The following NEDD4 variants were observed in gnomAD, a reference collection of about 807,000 sequenced individuals.
NEDD4 encodes the protein E3 ubiquitin-protein ligase NEDD4.
NEDD4 carries 99 observed loss-of-function variants against 144.9 expected under a neutral mutation model. The ratio of observed to expected loss-of-function variants is 0.68; its 90% CI spans 0.58 to 0.81. The LOEUF (loss-of-function observed/expected upper bound fraction) is 0.81. Among genes scored for constraint, NEDD4 ranks in the 30% least tolerant of loss-of-function variants. The pLI, the probability that NEDD4 is intolerant of heterozygous loss-of-function variation, is 0.00. For synonymous variants in NEDD4, 318 were observed against 350.6 expected (o/e 0.91, Z 1.04); for missense variants, 985 against 1,065.9 (o/e 0.92, Z 1.06).
chr15:55,938,124 G>A (rs1466718860), intron 4 of NEDD4, among the ~76,000 whole-genome samples: 1 of 152,184 alleles, frequency 6.6e-6, no homozygotes, highest in Non-Finnish European at 1.5e-5. Context: ...ACTTTGGGAG[G>A]CTGAGGTGGG....
At chr15:55,830,020 T>G (rs2032869953) in intron 28 of NEDD4, 21 bp from the exon 29 acceptor site, 1 of 1,576,542 alleles carries the variant, frequency 6.3e-7, no homozygotes, top group African/African-American at 1.3e-5. Context: ...AGAGAGGAAG[T>G]GGTTATGAAA....
chr15:55,841,871 G>A lies in NEDD4; in HGVS notation c.1838+63C>T, dbSNP rs1300551674. 29 of 1,430,364 alleles carry A rather than the reference G, an allele frequency of 2.0e-5. No individual in the cohort carries two copies. In the African/African-American group the frequency reaches 3.1e-4, roughly 15 times the overall value. 88.6% of individuals were successfully genotyped at this position (1,430,364 alleles called of 1,614,324 possible). On this transcript the variant is annotated intron_variant, in intron 19 of 28. Transcript: ENST00000435532. ...CAGGCATGAGCCACTGCACCCGGCC[G>A]ACTCTTACTTTTAAAACAGTGATTT...
At chr15:55,852,280 A>T in intron 13 of NEDD4, 144 bp downstream of exon 13, 1 of 892,354 alleles carries the variant, frequency 1.1e-6, no homozygotes, top group Non-Finnish European at 1.6e-6. Flanking sequence ...GGGCGACAAT[A>T]CTGAGACTCC....
intron 11 of NEDD4, among the ~76,000 whole-genome samples, chr15:55,856,674 A>T (rs74015309): frequency 0.021 from 3,153 of 152,250 alleles, 119 homozygotes; most frequent in African/African-American, 0.072. Context: ...AGTCAATGAC[A>T]ACACAGAAAA....
chr15:55,876,636 T>A (rs1296852199), intron 5 of NEDD4, among the ~76,000 whole-genome samples: 1 of 151,710 alleles, frequency 6.6e-6, no homozygotes, highest in East Asian at 1.9e-4. Flanking sequence ...TAACCCAAAA[T>A]AAGGCAGGAA....
chr15:55,956,308 T>C (rs2037336898), intron 2 of NEDD4, among the ~76,000 whole-genome samples: 1 of 152,220 alleles, frequency 6.6e-6, no homozygotes, highest in South Asian at 2.1e-4. Context: ...AAAGTTTTAA[T>C]TGTGTTGAAG....
At chr15:55,896,119 G>C (rs185614597) in intron 5 of NEDD4, among the ~76,000 whole-genome samples, 2 of 152,138 alleles carry the variant, frequency 1.3e-5, no homozygotes, top group African/African-American at 2.4e-5. Flanking sequence ...TAGCTGCAAT[G>C]ATCCTATATT....
At chr15:55,877,958 C>A (rs1245025712) in intron 5 of NEDD4, among the ~76,000 whole-genome samples, 2 of 151,952 alleles carry the variant, frequency 1.3e-5, no homozygotes, top group Non-Finnish European at 2.9e-5. Context: ...CTTTTTGGCA[C>A]CACAAAAATG....
intron 1 of NEDD4, among the ~76,000 whole-genome samples, chr15:55,970,707 G>A (rs754483113): frequency 5.9e-5 from 9 of 152,226 alleles, no homozygotes; most frequent in African/African-American, 1.9e-4. Context: ...GACTACAAGA[G>A]TCATATCATT....
intron 4 of NEDD4, among the ~76,000 whole-genome samples, chr15:55,947,857 C>G (rs2037151372): frequency 6.6e-6 from 1 of 152,112 alleles, no homozygotes; most frequent in Non-Finnish European, 1.5e-5. Flanking sequence ...ACTGAATGGG[C>G]AAAAACTGGA....
At chr15:55,900,659 A>AGAC (rs1420796160) in intron 5 of NEDD4, among the ~76,000 whole-genome samples, 1 of 152,210 alleles carries the variant, frequency 6.6e-6, no homozygotes, top group African/African-American at 2.4e-5. Context: ...AAGCCCTATC[A>AGAC]GACCGACAAA....
chr15:55,859,842 G>A (rs2034332722), intron 11 of NEDD4, among the ~76,000 whole-genome samples: 1 of 152,132 alleles, frequency 6.6e-6, no homozygotes, highest in Non-Finnish European at 1.5e-5. Context: ...GCTGAATATA[G>A]ACAAAACATG....
chr15:55,975,128 G>A (rs1221699850), intron 1 of NEDD4, among the ~76,000 whole-genome samples: 1 of 151,794 alleles, frequency 6.6e-6, no homozygotes, highest in Non-Finnish European at 1.5e-5. Flanking sequence ...CCTGACCTCA[G>A]GCAATCCACC....
At chr15:55,991,562 A>T (rs1473659298) in intron 1 of NEDD4, among the ~76,000 whole-genome samples, 1 of 152,248 alleles carries the variant, frequency 6.6e-6, no homozygotes. Flanking sequence ...ACTCTTCATC[A>T]TCATGTCTCT....
At chr15:55,921,777 A>G (rs1304551638) in intron 5 of NEDD4, among the ~76,000 whole-genome samples, 1 of 152,260 alleles carries the variant, frequency 6.6e-6, no homozygotes, top group African/African-American at 2.4e-5. Context: ...GACACACTTT[A>G]TAGTATTATA....
chr15:55,959,194 TC>T (rs2037387074), intron 2 of NEDD4, among the ~76,000 whole-genome samples: 1 of 152,136 alleles, frequency 6.6e-6, no homozygotes, highest in African/African-American at 2.4e-5. Context: ...TTAGCTGCAT[TC>T]CACAATTGTG....
intron 21 of NEDD4, among the ~76,000 whole-genome samples, chr15:55,839,186 G>A (rs554856037): frequency 6.6e-6 from 1 of 151,676 alleles, no homozygotes; most frequent in Non-Finnish European, 1.5e-5. Context: ...GCACCACCAC[G>A]CCTGGCTAAT....
intron 1 of NEDD4, among the ~76,000 whole-genome samples, chr15:55,976,701 T>C (rs543817261): frequency 6.7e-6 from 1 of 149,960 alleles, no homozygotes; most frequent in African/African-American, 2.5e-5. Flanking sequence ...GCAATCTCAC[T>C]TCACTGCAAG....
chr15:55,946,458 T>A lies in NEDD4; in HGVS notation c.237+4918A>T, dbSNP rs563900417. ...GATCAATTCAACAAGAAGAGCTAAC[T>A]ATCCTAAATATATATGCACCCAATA... is the stretch of plus-strand genomic sequence containing the variant. On this transcript the variant is annotated intron_variant, in intron 4 of 28. Coordinates refer to ENST00000435532, the MANE Select transcript of NEDD4 (RefSeq NM_006154.4). 2.6e-5 allele frequency among the ~76,000 whole-genome samples: 4 copies of A among 152,292 alleles called. No homozygotes were observed. The South Asian group carries it at 8.3e-4, about 32-fold the overall frequency.
Sources: gnomAD v4.1 joint callset for allele counts (sites outside exome capture counted in the v4.1 genomes callset) on GRCh38, gnomAD v4.1.1 for gene constraint, MANE v1.5 for transcripts, NCBI Gene and HGNC (gene_info 2026-07-23, HGNC 2026-07-21) for gene names.